Variants in SHROOM4 observed in about 807,000 individuals in gnomAD.
SHROOM4 encodes protein Shroom4.
SHROOM4 carries 17 observed loss-of-function variants against 80.3 expected under a neutral mutation model. The observed-to-expected ratio is 0.21, with a 90% CI of 0.14 to 0.32. The LOEUF (loss-of-function observed/expected upper bound fraction) is 0.32. Ranked by LOEUF, SHROOM4 falls within the 10% of genes least tolerant of loss-of-function variation. The probability of loss-of-function intolerance (pLI) is 1.00; values close to 1 mark genes in which losing one functional copy is unlikely to be tolerated. For missense variants in SHROOM4, 993 were observed against 1,140.3 expected (o/e 0.87, Z 1.86); for synonymous variants, 400 against 437.5 (o/e 0.91, Z 1.07).
rs1224616223 is a variant in SHROOM4, at chrX:50,791,421, AT to A, written c.117+22480del. ...TAATCCCTATCAAAATCTTAATGGC[AT>A]TTTTTTTTTGAGACAGGGTCTCACT... On this transcript the variant is annotated intron_variant, in intron 1 of 8. Coordinates refer to ENST00000376020, the MANE Select transcript of SHROOM4 (RefSeq NM_020717.5). Among the ~76,000 whole-genome samples the A allele has an allele frequency of 2.7e-3, 286 of 104,913 alleles. 5 individuals are homozygous for A. Among genetic ancestry groups the A allele is most frequent in the African/African-American group, 9.1e-3 (265 of 29,026 alleles). The allele number at this position is 104,913 out of a possible 115,157, so 91.1% of individuals were successfully genotyped here.
intron 1 of SHROOM4, among the ~76,000 whole-genome samples, chrX:50,791,783 C>G (rs1426827073): frequency 9.2e-6 from 1 of 108,845 alleles, no homozygotes; most frequent in Non-Finnish European, 1.9e-5. Flanking sequence ...CCAAAACAAT[C>G]TTATAAAAGA....
Position 50,633,318 on chromosome X carries a change from G to A in SHROOM4, c.2755C>T (p.Pro919Ser), listed in dbSNP as rs1557254606. The stretch of plus-strand genomic sequence containing the variant: ...TGGCACCGGCAGTTGTAGCAATTTG[G>A]CATCATATTTCTCTTTAGCAAGGCA... ...CPALLKRNMM[P>S]NCYNCRCHHH... The change falls in exon 4 of 9, where the codon CCA becomes TCA. Residue 919 changes from proline to serine, a missense_variant. By Grantham distance (74) the Pro-to-Ser change is moderately conservative (BLOSUM62 -1). Coordinates refer to ENST00000376020, the MANE Select transcript of SHROOM4 (RefSeq NM_020717.5). The A allele has an allele frequency of 1.7e-6, 2 of 1,211,211 alleles. No individual in the cohort carries two copies. Among genetic ancestry groups the A allele is most frequent in the Admixed American group, 4.4e-5 (2 of 45,952 alleles).
chrX:50,687,285 A>ATTTTTTTTTTTTTT (rs1557262325), intron 2 of SHROOM4: 3 of 92,806 alleles, frequency 3.2e-5, no homozygotes, highest in African/African-American at 1.3e-4. Flanking sequence ...TTTTTTTTTA[A>ATTTTTTTTTTTTTT]AAACAGCTAT....
intron 4 of SHROOM4, among the ~76,000 whole-genome samples, chrX:50,630,122 C>G (rs782398958): frequency 9.0e-6 from 1 of 111,037 alleles, no homozygotes; most frequent in East Asian, 2.8e-4. Context: ...CAGCCTCACC[C>G]GCATGCATTA....
intron 2 of SHROOM4, among the ~76,000 whole-genome samples, chrX:50,640,394 C>T (rs1931544697): frequency 9.2e-6 from 1 of 108,871 alleles, no homozygotes; most frequent in Non-Finnish European, 1.9e-5. Flanking sequence ...TGCTCTCTCT[C>T]TCTCTCCCCC....
At chrX:50,777,943 A>G (rs1228924178) in intron 1 of SHROOM4, among the ~76,000 whole-genome samples, 1 of 112,118 alleles carries the variant, frequency 8.9e-6, no homozygotes, top group Non-Finnish European at 1.9e-5. Context: ...ATTGCTGAGG[A>G]AATCCTACAT....
chrX:50,668,973 C>T (rs1432108626), intron 2 of SHROOM4, among the ~76,000 whole-genome samples: 1 of 112,809 alleles, frequency 8.9e-6, no homozygotes, highest in African/African-American at 3.2e-5. Context: ...TATGTTTACA[C>T]TACACTGTAG....
chrX:50,706,599 A>G (rs967084236), intron 1 of SHROOM4, among the ~76,000 whole-genome samples: 3 of 111,710 alleles, frequency 2.7e-5, no homozygotes, highest in Non-Finnish European at 5.6e-5. Flanking sequence ...TAGAGCATCT[A>G]TTAGGTTTAA....
At chrX:50,618,325 T>G (rs1487095130) in intron 5 of SHROOM4, among the ~76,000 whole-genome samples, 14 of 3,250 alleles carry the variant, frequency 4.3e-3, no homozygotes, top group Non-Finnish European at 4.1e-3. Context: ...CCTTCCTTCC[T>G]TCCTTCCTTC....
chrX:50,770,644 T>C (rs1935376570), intron 1 of SHROOM4, among the ~76,000 whole-genome samples: 1 of 112,042 alleles, frequency 8.9e-6, no homozygotes, highest in African/African-American at 3.2e-5. Flanking sequence ...AATTCAGACT[T>C]AGAGGTTCAA....
At chrX:50,598,624 A>G in intron 7 of SHROOM4, 89 bp from the exon 8 acceptor site, 1 of 1,043,952 alleles carries the variant, frequency 9.6e-7, no homozygotes. Flanking sequence ...TTGGAATCCA[A>G]GGAACAGATG....
intron 1 of SHROOM4, among the ~76,000 whole-genome samples, chrX:50,704,339 C>T (rs1933600366): frequency 8.9e-6 from 1 of 112,203 alleles, no homozygotes; most frequent in African/African-American, 3.2e-5. Flanking sequence ...AATAATTCTA[C>T]TTGGATTAAT....
At chrX:50,745,740 C>G (rs574679108) in intron 1 of SHROOM4, among the ~76,000 whole-genome samples, 1 of 111,214 alleles carries the variant, frequency 9.0e-6, no homozygotes, top group East Asian at 2.8e-4. Context: ...CCCCTGTTTT[C>G]TCGGTTGTAC....
intron 5 of SHROOM4, among the ~76,000 whole-genome samples, chrX:50,619,173 A>C (rs1930472640): frequency 8.9e-6 from 1 of 111,807 alleles, no homozygotes; most frequent in Admixed American, 9.5e-5. Context: ...ATAGGAATTG[A>C]AAATGAAAAC....
At chrX:50,808,198 C>T (rs1428936803) in intron 1 of SHROOM4, among the ~76,000 whole-genome samples, 4 of 111,982 alleles carry the variant, frequency 3.6e-5, no homozygotes, top group African/African-American at 1.3e-4. Flanking sequence ...GAGGAAGCAC[C>T]CTTGTTCTGT....
chrX:50,626,315 C>A (rs562169339), intron 5 of SHROOM4, among the ~76,000 whole-genome samples: 3 of 111,954 alleles, frequency 2.7e-5, no homozygotes, highest in African/African-American at 9.7e-5. Context: ...TAATAGTTAC[C>A]ACGTGCTGCC....
intron 2 of SHROOM4, among the ~76,000 whole-genome samples, chrX:50,658,079 A>G (rs1263311242): frequency 8.9e-6 from 1 of 112,092 alleles, no homozygotes; most frequent in Admixed American, 9.4e-5. Flanking sequence ...CTATGTGAGG[A>G]CACAGCAACA....
At chrX:50,746,570 T>G (rs1340328629) in intron 1 of SHROOM4, among the ~76,000 whole-genome samples, 1 of 111,759 alleles carries the variant, frequency 8.9e-6, no homozygotes, top group African/African-American at 3.3e-5. Flanking sequence ...CCTGTTTGAG[T>G]TGGTAAATTC....
At chrX:50,800,009 T>G (rs1343431238) in intron 1 of SHROOM4, among the ~76,000 whole-genome samples, 2 of 112,062 alleles carry the variant, frequency 1.8e-5, no homozygotes, top group African/African-American at 6.5e-5. Flanking sequence ...GACAAGCAGG[T>G]AGCCAACCCC....
Sources: gnomAD v4.1 joint callset for allele counts (sites outside exome capture counted in the v4.1 genomes callset) on GRCh38, gnomAD v4.1.1 for gene constraint, MANE v1.5 for transcripts, NCBI Gene and HGNC (gene_info 2026-07-23, HGNC 2026-07-21) for gene names.